Variants in SETDB1 observed in about 807,000 individuals in gnomAD.
The protein encoded by SETDB1 is SET domain bifurcated histone lysine methyltransferase 1, also known as histone-lysine N-methyltransferase SETDB1.
SETDB1 carries 31 observed loss-of-function variants against 137.4 expected under a neutral mutation model. The observed-to-expected ratio is 0.23, with a 90% CI of 0.17 to 0.30. The LOEUF (loss-of-function observed/expected upper bound fraction) is 0.30, where lower values mean the gene tolerates loss of function less well. SETDB1 is among the 10% of genes least tolerant of loss of function. The probability of loss-of-function intolerance (pLI) is 1.00; values close to 1 mark genes in which losing one functional copy is unlikely to be tolerated. For synonymous variants in SETDB1, 548 were observed against 579.9 expected (o/e 0.95, Z 0.79); for missense variants, 1,113 against 1,631.5 (o/e 0.68, Z 5.47).
intron 3 of SETDB1, among the ~76,000 whole-genome samples, chr1:150,933,131 T>A (rs1669816570): frequency 6.6e-6 from 1 of 152,074 alleles, no homozygotes; most frequent in Non-Finnish European, 1.5e-5. Context: ...ATGATCATAG[T>A]TCACTGCAGC....
At chr1:150,948,552 T>C (rs1255238823) in intron 10 of SETDB1, among the ~76,000 whole-genome samples, 2 of 151,310 alleles carry the variant, frequency 1.3e-5, no homozygotes, top group Non-Finnish European at 3.0e-5. Context: ...ATTAAAGGCA[T>C]GAGCCACCGC....
At chr1:150,938,809 G>A (rs980958891) in intron 3 of SETDB1, among the ~76,000 whole-genome samples, 7 of 144,304 alleles carry the variant, frequency 4.9e-5, no homozygotes, top group African/African-American at 1.5e-4. Context: ...CGGCCTACAC[G>A]TTTTATTTTT....
At chr1:150,944,246 G>A (rs188201491) in intron 8 of SETDB1, among the ~76,000 whole-genome samples, 5 of 152,300 alleles carry the variant, frequency 3.3e-5, no homozygotes, top group South Asian at 4.1e-4. Context: ...TGAGTAGACT[G>A]CTCACGTTAT....
chr1:150,946,506 T>C (rs1670335982), intron 9 of SETDB1, among the ~76,000 whole-genome samples: 1 of 152,132 alleles, frequency 6.6e-6, no homozygotes, highest in Admixed American at 6.6e-5. Context: ...TGGAGTACGA[T>C]GGTGCAGTCT....
intron 2 of SETDB1, 37 bp from the exon 3 acceptor site, chr1:150,929,930 C>T (rs758498403): frequency 2.3e-5 from 37 of 1,587,670 alleles, no homozygotes; most frequent in Non-Finnish European, 3.0e-5. Flanking sequence ...AATTCCTCTA[C>T]TGGCTTTGAC....
intron 14 of SETDB1, 41 bp from the exon 15 acceptor site, chr1:150,959,137 G>C (rs772762934): frequency 2.4e-5 from 35 of 1,441,182 alleles, no homozygotes; most frequent in Non-Finnish European, 3.1e-5. Flanking sequence ...TTGTGCTCTA[G>C]TGATCATACC....
intron 14 of SETDB1, among the ~76,000 whole-genome samples, chr1:150,956,316 G>T (rs2102735606): frequency 6.6e-6 from 1 of 151,768 alleles, no homozygotes; most frequent in East Asian, 1.9e-4. Flanking sequence ...AACCCGCGAG[G>T]TGGAGGTTGC....
chr1:150,929,808 A>G (rs994119699), intron 2 of SETDB1, among the ~76,000 whole-genome samples, 159 bp from the exon 3 acceptor site: 30 of 152,218 alleles, frequency 2.0e-4, no homozygotes, highest in African/African-American at 6.5e-4. Flanking sequence ...ACATTTTTCT[A>G]TAGAAAAAGC....
At chr1:150,942,446 CAAAA>C (rs11430191) in intron 5 of SETDB1, 113 bp from the exon 6 acceptor site, 42 of 671,846 alleles carry the variant, frequency 6.3e-5, no homozygotes, top group South Asian at 8.7e-5. Flanking sequence ...GACTCCATCT[CAAAA>C]AAAAAAAAAA....
chr1:150,943,512 C>T (rs777422584), intron 7 of SETDB1, among the ~76,000 whole-genome samples: 1 of 152,128 alleles, frequency 6.6e-6, no homozygotes, highest in Non-Finnish European at 1.5e-5. Flanking sequence ...CCTGTCTCTA[C>T]TAAAAATACA....
intron 12 of SETDB1, 40 bp downstream of exon 12, chr1:150,949,565 G>A: frequency 6.3e-7 from 1 of 1,589,194 alleles, no homozygotes; most frequent in Non-Finnish European, 8.6e-7. Context: ...GGATAGCAAT[G>A]AGTGGTCACT....
intron 14 of SETDB1, among the ~76,000 whole-genome samples, chr1:150,955,384 C>T (rs1412000142): frequency 6.6e-6 from 1 of 152,174 alleles, no homozygotes; most frequent in African/African-American, 2.4e-5. Context: ...ATATTTGGCC[C>T]TTTCCTGTCT....
chr1:150,951,115 C>A, intron 13 of SETDB1, 25 bp downstream of exon 13: 1 of 1,587,318 alleles, frequency 6.3e-7, no homozygotes, highest in Non-Finnish European at 8.6e-7. Context: ...GGAATTGCTG[C>A]CCCTGCTTCC....
chr1:150,939,780 T>C (rs1670074127), intron 3 of SETDB1, among the ~76,000 whole-genome samples, 160 bp from the exon 4 acceptor site: 1 of 152,180 alleles, frequency 6.6e-6, no homozygotes, highest in Non-Finnish European at 1.5e-5. Context: ...CCAGACCCTT[T>C]TGAGTACTTT....
intron 10 of SETDB1, 152 bp from the exon 11 acceptor site, chr1:150,948,970 C>T (rs1024206150): frequency 2.2e-5 from 16 of 727,622 alleles, no homozygotes; most frequent in Middle Eastern, 4.1e-4. Flanking sequence ...CTGCCCACTT[C>T]GGCCTCCCAA....
At chr1:150,946,397 G>A (rs1199731216) in intron 9 of SETDB1, among the ~76,000 whole-genome samples, 1 of 151,844 alleles carries the variant, frequency 6.6e-6, no homozygotes, top group African/African-American at 2.4e-5. Flanking sequence ...TTTCATTGTT[G>A]TGTTCCTGAT....
At chr1:150,935,599 T>A (rs1023096515) in intron 3 of SETDB1, among the ~76,000 whole-genome samples, 1 of 152,176 alleles carries the variant, frequency 6.6e-6, no homozygotes, top group Non-Finnish European at 1.5e-5. Flanking sequence ...ATCTATATAT[T>A]CTAGTTCATT....
intron 10 of SETDB1, among the ~76,000 whole-genome samples, chr1:150,948,662 A>G (rs1325540832): frequency 6.6e-6 from 1 of 152,162 alleles, no homozygotes; most frequent in Admixed American, 6.6e-5. Flanking sequence ...AATGTATGCC[A>G]GCGTCCATGC....
intron 3 of SETDB1, among the ~76,000 whole-genome samples, chr1:150,932,877 CT>C (rs1384616669): frequency 1.3e-5 from 2 of 152,014 alleles, no homozygotes; most frequent in African/African-American, 2.4e-5. Context: ...GGATATCATA[CT>C]TTTTTTATGT....
Sources: gnomAD v4.1 joint callset for allele counts (sites outside exome capture counted in the v4.1 genomes callset) on GRCh38, gnomAD v4.1.1 for gene constraint, MANE v1.5 for transcripts, NCBI Gene and HGNC (gene_info 2026-07-23, HGNC 2026-07-21) for gene names.